Variants in BCR observed in about 807,000 individuals in gnomAD.
BCR encodes breakpoint cluster region protein.
BCR carries 58 observed loss-of-function variants against 138.6 expected under a neutral mutation model. The observed-to-expected ratio is 0.42, with a 90% CI of 0.34 to 0.52. The LOEUF is 0.52. BCR is among the 20% of genes least tolerant of loss of function. The pLI is 0.06. For missense variants in BCR, 1,599 were observed against 1,727.2 expected (o/e 0.93, Z 1.32); for synonymous variants, 786 against 730.1 (o/e 1.08, Z -1.23).
At chr22:23,206,197 G>A (rs750267808) in intron 1 of BCR, among the ~76,000 whole-genome samples, 2 of 152,146 alleles carry the variant, frequency 1.3e-5, no homozygotes, top group African/African-American at 2.4e-5. Flanking sequence ...GCTAATAATC[G>A]TTGAAGCCAA....
intron 1 of BCR, among the ~76,000 whole-genome samples, chr22:23,228,227 G>T (rs2072915572): frequency 1.3e-5 from 2 of 152,130 alleles, no homozygotes; most frequent in African/African-American, 4.8e-5. Context: ...ATTTGATGCT[G>T]TAAATTTGCC....
In BCR at chr22:23,181,770, T is replaced by A. The variant is rs2072267734; in HGVS notation, c.810T>A (p.Pro270=). The part of the protein sequence containing the change: ...LIDANGGSRP[P]WPPLEYQPYQ... The stretch of plus-strand genomic sequence containing the variant: ...ACGCCAATGGCGGTAGCAGGCCCCC[T>A]TGGCCGCCCCTGGAGTACCAGCCCT... Residue 270 remains proline, a synonymous_variant, in exon 1 of 23, where the codon CCT becomes CCA. Transcript: ENST00000305877. 1 of 1,606,350 alleles carries A rather than the reference T, an allele frequency of 6.2e-7. No individual in the cohort carries two copies. The highest frequency in any genetic ancestry group is 8.5e-7 in the Non-Finnish European group (1 of 1,179,952).
chr22:23,246,475 C>T (rs572717632), intron 1 of BCR, among the ~76,000 whole-genome samples: 1 of 152,064 alleles, frequency 6.6e-6, no homozygotes, highest in Non-Finnish European at 1.5e-5. Flanking sequence ...TTTGTTTGAA[C>T]ACTAGTTTTC....
chr22:23,185,719 C>T (rs73152620), intron 1 of BCR, among the ~76,000 whole-genome samples: 5,918 of 147,866 alleles, frequency 0.04, 400 homozygotes, highest in African/African-American at 0.14. Context: ...GTGGTTCTCT[C>T]TGTTTTTTTT....
intron 1 of BCR, among the ~76,000 whole-genome samples, chr22:23,249,831 A>G (rs984946431): frequency 6.6e-6 from 1 of 152,294 alleles, no homozygotes; most frequent in South Asian, 2.1e-4. Flanking sequence ...AAGCCCTCAT[A>G]TGGAACGTGG....
At chr22:23,274,895 G>A (rs2073555283) in intron 8 of BCR, among the ~76,000 whole-genome samples, 3 of 113,182 alleles carry the variant, frequency 2.7e-5, no homozygotes, top group South Asian at 3.0e-4. Context: ...GTGACAGAGT[G>A]AAACTCCATC....
At chr22:23,268,695 G>A (rs118134787) in intron 5 of BCR, among the ~76,000 whole-genome samples, 180 bp downstream of exon 5, 4,792 of 152,312 alleles carry the variant, frequency 0.031, 104 homozygotes, top group Non-Finnish European at 0.049. Context: ...CAGACCGAAG[G>A]AGCAGCCCAC....
chr22:23,311,470 C>T (rs1024793818), intron 18 of BCR, among the ~76,000 whole-genome samples: 2 of 152,006 alleles, frequency 1.3e-5, no homozygotes, highest in African/African-American at 2.4e-5. Context: ...ATGTGTGATT[C>T]GCAGGGGTTC....
intron 14 of BCR, chr22:23,290,791 T>A (rs576168375): frequency 1.2e-5 from 3 of 260,178 alleles, no homozygotes; most frequent in African/African-American, 6.5e-5. Flanking sequence ...CAGAGCAGAT[T>A]TGGCTGCTCT....
At chr22:23,280,287 G>A (rs1466822275) in intron 8 of BCR, among the ~76,000 whole-genome samples, 4 of 152,212 alleles carry the variant, frequency 2.6e-5, no homozygotes, top group Non-Finnish European at 5.9e-5. Context: ...CCTGGGGGAA[G>A]TCCCCTTAGC....
At chr22:23,292,143 T>G (rs2073794694) in intron 14 of BCR, among the ~76,000 whole-genome samples, 1 of 152,166 alleles carries the variant, frequency 6.6e-6, no homozygotes, top group African/African-American at 2.4e-5. Context: ...CTGCTCTGAT[T>G]GTAGGGGCTT....
rs1472221429 is a variant in BCR at position 23,309,405 on chromosome 22, C to T, written c.3013-19C>T. On this transcript the variant is annotated intron_variant, in intron 16 of 22. Coordinates refer to ENST00000305877, the MANE Select transcript of BCR (RefSeq NM_004327.4). ...AACAGACCCCAGGGCCTCTGCCAAT[C>T]ATGACTCCTTCCTTTCAGCTGGACC... 6.3e-7 allele frequency: 1 copy of T among 1,581,356 alleles called. No homozygotes were observed. The highest frequency in any genetic ancestry group is 1.3e-5 in the African/African-American group (1 of 74,384).
Position 23,292,609 on chromosome 22 carries a change from A to G in BCR, c.2851A>G (p.Arg951Gly). 6.2e-7 allele frequency: 1 copy of G among 1,613,074 alleles called. No individual in the cohort carries two copies. The highest frequency in any genetic ancestry group is 8.5e-7 in the Non-Finnish European group (1 of 1,179,310). ...GAATAAAGCAAAGACGCGCGTCTACAGGGACACAGCTGAGCCAAACTGGAA... is the reference window on the plus strand; with the variant it reads ...GAATAAAGCAAAGACGCGCGTCTACGGGGACACAGCTGAGCCAAACTGGAA... ...FVNKAKTRVYRDTAEPNWNEE... is the reference protein window; with the variant it reads ...FVNKAKTRVYGDTAEPNWNEE... Residue 951 changes from arginine to glycine, a missense_variant, in exon 15 of 23, where the codon AGG (arginine) becomes GGG (glycine). Arg to Gly is a moderately radical substitution (Grantham distance 125). Coordinates refer to ENST00000305877, the MANE Select transcript of BCR (RefSeq NM_004327.4).
Position 23,180,751 on chromosome 22 carries a change from C to T in BCR, c.-210C>T, listed in dbSNP as rs938337410. 2 of 152,296 alleles carry T rather than the reference C, an allele frequency of 1.3e-5. No homozygotes were observed. The highest frequency in any genetic ancestry group is 4.9e-5 in the African/African-American group (2 of 40,720). 9.4% of individuals were successfully genotyped at this position (152,296 alleles called of 1,614,324 possible). ...CAATAGCGGCGCGCGCAGCCCGCGC[C>T]CTTCCCCCCGGCGCGCCCCGCCCCG... On this transcript the variant is annotated 5_prime_UTR_variant, in exon 1 of 23. Transcript: ENST00000305877.
intron 1 of BCR, among the ~76,000 whole-genome samples, chr22:23,209,786 G>A (rs550025581): frequency 2.0e-5 from 3 of 152,002 alleles, no homozygotes; most frequent in South Asian, 4.2e-4. Flanking sequence ...CTTGTGATCC[G>A]CGCCCAGCCT....
rs2146243289 is a variant in BCR, at chr22:23,230,937, T to C, written c.1280-22862T>C. On this transcript the variant is annotated intron_variant, in intron 1 of 22. Coordinates refer to ENST00000305877, the MANE Select transcript of BCR (RefSeq NM_004327.4). ...TGTGGCCCCGGGGCCACAGGTGGAG[T>C]AGAGGGCACAGTATCCCGAACCATC... Among the ~76,000 whole-genome samples the C allele has an allele frequency of 2.0e-5, 3 of 151,966 alleles. No individual in the cohort carries two copies. The South Asian group carries it at 6.2e-4, about 32-fold the overall frequency.
chr22:23,309,108 T>C (rs2073979699), intron 16 of BCR, among the ~76,000 whole-genome samples: 1 of 152,068 alleles, frequency 6.6e-6, no homozygotes, highest in African/African-American at 2.4e-5. Flanking sequence ...GAGCTCCACA[T>C]AGCACCCGTG....
Position 23,289,565 on chromosome 22 carries a change from A to G in BCR, c.2651A>G (p.Asn884Ser), listed in dbSNP as rs985566394. 3 of 1,613,880 alleles carry G rather than the reference A, an allele frequency of 1.9e-6. No homozygotes were observed. The highest frequency in any genetic ancestry group is 1.1e-5 in the South Asian group (1 of 91,082). Residue 884 changes from asparagine to serine, a missense_variant, in exon 13 of 23, where the codon AAC becomes AGC. By Grantham distance (46) the Asn-to-Ser change is conservative. Around this residue, in one of 4 missense-constraint regions of BCR, gnomAD observed 590 missense variants for 762.4 expected, o/e 0.77. Coordinates refer to ENST00000305877, the MANE Select transcript of BCR (RefSeq NM_004327.4). ...LTSVELQMLT[N>S]SCVKLQTVHS... The stretch of plus-strand genomic sequence containing the variant: ...TCCGTGGAGCTGCAGATGCTGACCA[A>G]CTCGTGTGTGAAACTCCAGACTGTC...
At chr22:23,219,843 G>C (rs895191708) in intron 1 of BCR, among the ~76,000 whole-genome samples, 1 of 152,114 alleles carries the variant, frequency 6.6e-6, no homozygotes, top group Non-Finnish European at 1.5e-5. Context: ...CTCTGTCCCC[G>C]ACCTGCATGT....
Sources: allele counts gnomAD v4.1 joint callset (sites outside exome capture counted in the v4.1 genomes callset), GRCh38; gene constraint gnomAD v4.1.1; regional missense constraint gnomAD v4.1.1; transcripts MANE v1.5; gene names NCBI Gene and HGNC (gene_info 2026-07-23, HGNC 2026-07-21).